DENND4A: variants seen among roughly 807,000 people sequenced by gnomAD.
DENND4A encodes the protein C-myc promoter-binding protein.
DENND4A carries 70 observed loss-of-function variants against 199.3 expected under a neutral mutation model. The ratio of observed to expected loss-of-function variants is 0.35; its 90% confidence interval spans 0.29 to 0.43. The LOEUF (loss-of-function observed/expected upper bound fraction) is 0.43, where lower values mean the gene tolerates loss of function less well. Ranked by LOEUF, DENND4A falls within the 20% of genes least tolerant of loss-of-function variation. The pLI is 1.00. For missense variants in DENND4A, 1,723 were observed against 2,255.8 expected (o/e 0.76, Z 4.78); for synonymous variants, 686 against 766.9 (o/e 0.89, Z 1.74).
chr15:65,764,642 ATAAT>A (rs1263453789), intron 1 of DENND4A, among the ~76,000 whole-genome samples: 2 of 152,022 alleles, frequency 1.3e-5, no homozygotes, highest in Non-Finnish European at 2.9e-5. Flanking sequence ...AAAAAACCCA[ATAAT>A]TAATTAAATT....
chr15:65,716,611 T>A (rs1009325314), intron 13 of DENND4A, among the ~76,000 whole-genome samples: 1 of 152,162 alleles, frequency 6.6e-6, no homozygotes, highest in Non-Finnish European at 1.5e-5. Flanking sequence ...CTCCATGGTA[T>A]ATACGTGCCA....
Position 65,758,141 on chromosome 15 carries a change from G to T in DENND4A, c.-22-1669C>A, listed in dbSNP as rs541076108. On this transcript the variant is annotated intron_variant, in intron 2 of 32. Transcript: ENST00000443035. ...AAAATGCATACACAAAAGTCTACCA[G>T]AAGTTAAGTCTCAGCAGATATATCA... Among the ~76,000 whole-genome samples the T allele has an allele frequency of 4.6e-5, 7 of 152,044 alleles. 1 individual carries two copies. The highest frequency in any genetic ancestry group is 1.0e-4 in the Non-Finnish European group (7 of 68,012).
At chr15:65,769,709 T>G (rs538688305) in intron 1 of DENND4A, among the ~76,000 whole-genome samples, 15 of 152,330 alleles carry the variant, frequency 9.8e-5, no homozygotes, top group African/African-American at 3.6e-4. Flanking sequence ...TTTTTTCATT[T>G]TAGCAGTTTT....
chr15:65,780,810 C>A (rs2077416709), intron 1 of DENND4A, among the ~76,000 whole-genome samples: 1 of 152,236 alleles, frequency 6.6e-6, no homozygotes, highest in African/African-American at 2.4e-5. Context: ...ATGAGGTACA[C>A]AGAGTTAACA....
intron 12 of DENND4A, among the ~76,000 whole-genome samples, chr15:65,719,696 C>T (rs2075545552): frequency 1.3e-5 from 2 of 151,294 alleles, no homozygotes; most frequent in South Asian, 4.2e-4. Flanking sequence ...TCAAGACCAG[C>T]ATGGCAATAT....
intron 6 of DENND4A, 131 bp from the exon 7 acceptor site, chr15:65,738,076 A>T: frequency 1.2e-6 from 1 of 802,056 alleles, no homozygotes; most frequent in Non-Finnish European, 1.9e-6. Context: ...ACAGTGATGA[A>T]GAGACACCCC....
chr15:65,730,517 T>C (rs192479343), intron 9 of DENND4A, among the ~76,000 whole-genome samples: 1 of 152,050 alleles, frequency 6.6e-6, no homozygotes, highest in Admixed American at 6.6e-5. Flanking sequence ...AAAACGTATA[T>C]CCATACAATG....
chr15:65,742,942 T>C (rs2076297703), intron 4 of DENND4A, among the ~76,000 whole-genome samples: 1 of 152,184 alleles, frequency 6.6e-6, no homozygotes, highest in Admixed American at 6.5e-5. Flanking sequence ...AAGGGTAAAA[T>C]AGTTTTATGA....
intron 9 of DENND4A, among the ~76,000 whole-genome samples, chr15:65,731,072 G>A (rs1281425548): frequency 6.6e-6 from 1 of 151,972 alleles, no homozygotes; most frequent in Non-Finnish European, 1.5e-5. Flanking sequence ...GTCAAAGATG[G>A]CAGCTAGTCT....
chr15:65,790,526 T>C (rs1478531315), intron 1 of DENND4A, among the ~76,000 whole-genome samples: 1 of 152,146 alleles, frequency 6.6e-6, no homozygotes, highest in African/African-American at 2.4e-5. Context: ...AGGTCTATGT[T>C]TAATCATTCA....
At position 65,664,492 on chromosome 15, in the gene DENND4A, C is replaced by T. The variant is rs984855035; in HGVS notation, c.5522+68G>A. 97 of 1,552,604 alleles carry T rather than the reference C, an allele frequency of 6.2e-5. 2 individuals are homozygous for T. In the African/African-American group the frequency reaches 1.3e-3, roughly 20 times the overall value. On this transcript the variant is annotated intron_variant, in intron 31 of 32. Transcript: ENST00000443035. ...CTATCATAAGCATGAGATATTCTAA[C>T]AAATTACTAAGCAAACAATATGAAT...
At chr15:65,772,265 A>G (rs1189709802) in intron 1 of DENND4A, 1 of 549,750 alleles carries the variant, frequency 1.8e-6, no homozygotes, top group African/African-American at 1.9e-5. Context: ...CTCATCTGAC[A>G]AATATTTATT....
Position 65,767,963 on chromosome 15 carries a change from T to G in DENND4A, c.-101-6525A>C, listed in dbSNP as rs190487534. ...CAAAAGTATACCATGAAATGAAAAA[T>G]ATGATGAAATCAGTTCTCCGTATCT... On this transcript the variant is annotated intron_variant, in intron 1 of 32. Transcript: ENST00000443035. Among the ~76,000 whole-genome samples the G allele has an allele frequency of 4.6e-5, 7 of 152,180 alleles. No individual in the cohort carries two copies. In the Middle Eastern group the frequency reaches 0.01, roughly 223 times the overall value.
At chr15:65,714,950 C>T (rs1299187159) in intron 14 of DENND4A, 1 of 152,504 alleles carries the variant, frequency 6.6e-6, no homozygotes, top group Non-Finnish European at 1.5e-5. Context: ...TCCTCTCTCT[C>T]CAGCATGAAT....
At chr15:65,712,028 C>T (rs2075266839) in intron 14 of DENND4A, among the ~76,000 whole-genome samples, 1 of 152,148 alleles carries the variant, frequency 6.6e-6, no homozygotes, top group Admixed American at 6.5e-5. Context: ...GGCTAATCAC[C>T]ATTTATAACA....
chr15:65,674,701 T>C (rs972530140), intron 24 of DENND4A, among the ~76,000 whole-genome samples: 6 of 149,488 alleles, frequency 4.0e-5, no homozygotes, highest in African/African-American at 1.2e-4. Context: ...GCCACTGTAC[T>C]CCAGCCTGAG....
intron 22 of DENND4A, among the ~76,000 whole-genome samples, chr15:65,691,792 T>C (rs961715403): frequency 3.9e-5 from 6 of 152,088 alleles, no homozygotes; most frequent in African/African-American, 1.4e-4. Flanking sequence ...TTCAGATTTG[T>C]CCAATTATAA....
At chr15:65,700,509 TA>T (rs1351228111) in intron 20 of DENND4A, 34 bp downstream of exon 20, 3 of 1,274,044 alleles carry the variant, frequency 2.4e-6, no homozygotes, top group Non-Finnish European at 3.0e-6. Flanking sequence ...TTTAAAAATG[TA>T]CTATAATAAA....
chr15:65,721,996 T>C (rs1007495488), intron 12 of DENND4A, among the ~76,000 whole-genome samples: 5 of 152,230 alleles, frequency 3.3e-5, no homozygotes, highest in African/African-American at 4.8e-5. Flanking sequence ...AATTTCTTAA[T>C]GCTATTGGCA....
Sources: allele counts gnomAD v4.1 joint callset (sites outside exome capture counted in the v4.1 genomes callset), GRCh38; gene constraint gnomAD v4.1.1; transcripts MANE v1.5; gene names NCBI Gene and HGNC (gene_info 2026-07-23, HGNC 2026-07-21).